Variants in CHKA observed in about 807,000 individuals in gnomAD.
CHKA encodes choline kinase alpha, also known as CHETK-alpha.
In CHKA, 34 loss-of-function variants were observed where a neutral mutation model predicts 60.1. The observed-to-expected ratio is 0.57, with a 90% CI of 0.43 to 0.75. The LOEUF is 0.75. CHKA is among the 30% of genes least tolerant of loss of function. CHKA has a pLI of 0.00. For synonymous variants in CHKA, 217 were observed against 223.1 expected (o/e 0.97, Z 0.24); for missense variants, 563 against 561.3 (o/e 1.00, Z -0.03).
chr11:68,101,050 C>T (rs942181606), intron 1 of CHKA, among the ~76,000 whole-genome samples: 9 of 149,266 alleles, frequency 6.0e-5, no homozygotes, highest in South Asian at 2.1e-4. Context: ...CAGGTTCACA[C>T]CATTCTCCTG....
intron 6 of CHKA, among the ~76,000 whole-genome samples, 178 bp downstream of exon 6, chr11:68,070,011 G>A (rs530009794): frequency 6.6e-6 from 1 of 152,326 alleles, no homozygotes; most frequent in East Asian, 1.9e-4. Flanking sequence ...AGTCCATAGA[G>A]TCCATAATCT....
chr11:68,101,333 G>C (rs1857714616), intron 1 of CHKA, among the ~76,000 whole-genome samples: 1 of 152,062 alleles, frequency 6.6e-6, no homozygotes, highest in South Asian at 2.1e-4. Context: ...CAAGGCAAGA[G>C]AAAGAAATAA....
intron 1 of CHKA, among the ~76,000 whole-genome samples, chr11:68,114,269 A>C (rs1349758137): frequency 6.6e-6 from 1 of 152,264 alleles, no homozygotes; most frequent in Non-Finnish European, 1.5e-5. Flanking sequence ...GTTTAGAGCA[A>C]CTTTATTCAT....
chr11:68,085,636 T>C (rs1418156819), intron 2 of CHKA, among the ~76,000 whole-genome samples: 1 of 152,208 alleles, frequency 6.6e-6, no homozygotes, highest in Non-Finnish European at 1.5e-5. Flanking sequence ...TCATTTTTAC[T>C]TTATTTCTAT....
At chr11:68,115,501 T>C (rs1185724972) in intron 1 of CHKA, among the ~76,000 whole-genome samples, 1 of 152,146 alleles carries the variant, frequency 6.6e-6, no homozygotes, top group Non-Finnish European at 1.5e-5. Context: ...CAGGGGGTTA[T>C]ATGGGAACTC....
intron 7 of CHKA, among the ~76,000 whole-genome samples, chr11:68,066,803 T>C (rs1010837435): frequency 1.3e-5 from 2 of 152,218 alleles, no homozygotes; most frequent in African/African-American, 4.8e-5. Flanking sequence ...CCTCTTGCTC[T>C]GCTGTCAGGA....
In CHKA at chr11:68,120,856, C is replaced by T. The variant is rs769956867; in HGVS notation, c.322G>A (p.Glu108Lys). Residue 108 changes from glutamate to lysine, a missense_variant, in exon 1 of 12, where the codon GAG (glutamate) becomes AAG (lysine). Glu to Lys is a moderately conservative substitution (Grantham distance 56). Transcript: ENST00000265689. ...FLPGAWRGLR[E>K]DEFHISVIRG... ...ATGACACTGATGTGGAACTCGTCCT[C>T]GCGGAGGCCCCGCCAGGCGCCGGGC... is the stretch of plus-strand genomic sequence containing the variant. 7.4e-7 allele frequency: 1 copy of T among 1,345,660 alleles called. No homozygotes were observed. Among genetic ancestry groups the T allele is most frequent in the Non-Finnish European group, 9.7e-7 (1 of 1,033,318 alleles). The allele number at this position is 1,345,660 out of a possible 1,614,324, so 83.4% of individuals were successfully genotyped here. A position where few individuals can be genotyped will look rare whatever the true frequency, so the allele number is the denominator to read the frequency against.
In CHKA at chr11:68,121,357, G is replaced by A. The variant is rs920105048; in HGVS notation, c.-180C>T. The A allele has an allele frequency of 5.8e-4, 104 of 177,858 alleles. No homozygotes were observed. Among genetic ancestry groups the A allele is most frequent in the African/African-American group, 2.7e-3 (99 of 36,216 alleles). 11.0% of individuals were successfully genotyped at this position (177,858 alleles called of 1,614,324 possible). A position where few individuals can be genotyped will look rare whatever the true frequency, so the allele number is the denominator to read the frequency against. On this transcript the variant is annotated 5_prime_UTR_variant, in exon 1 of 12. Transcript: ENST00000265689. Reference sequence around the variant, plus strand: ...GCGACTGCGGCGACTGTGGAGCGGGGATGTGCTGCTGGCCGCTGCACTCGC... The same window carrying A: ...GCGACTGCGGCGACTGTGGAGCGGGAATGTGCTGCTGGCCGCTGCACTCGC...
intron 11 of CHKA, among the ~76,000 whole-genome samples, chr11:68,060,967 G>A (rs947456629): frequency 6.6e-6 from 1 of 152,072 alleles, no homozygotes; most frequent in African/African-American, 2.4e-5. Context: ...AAGGAAGGCA[G>A]CTCACCAGAC....
At chr11:68,117,904 T>C (rs1049753174) in intron 1 of CHKA, among the ~76,000 whole-genome samples, 5 of 152,128 alleles carry the variant, frequency 3.3e-5, no homozygotes, top group African/African-American at 1.2e-4. Context: ...GATACAAAAG[T>C]AGCTCATCAG....
intron 2 of CHKA, among the ~76,000 whole-genome samples, chr11:68,094,617 C>T (rs3935460): frequency 0.57 from 86,584 of 152,086 alleles, 24,764 homozygotes; most frequent in Middle Eastern, 0.7. Flanking sequence ...AAACTGCAAC[C>T]TGATTAAATT....
intron 1 of CHKA, among the ~76,000 whole-genome samples, chr11:68,107,704 T>C (rs61890475): frequency 0.12 from 18,657 of 152,102 alleles, 1,371 homozygotes; most frequent in Non-Finnish European, 0.17. Flanking sequence ...GTTTCTAAAA[T>C]ACAAATTTCA....
chr11:68,063,430 C>T (rs1034259284), intron 10 of CHKA, among the ~76,000 whole-genome samples: 1 of 151,488 alleles, frequency 6.6e-6, no homozygotes, highest in Non-Finnish European at 1.5e-5. Context: ...GAGTTAGAGG[C>T]TGCAGTGAGC....
At chr11:68,059,453 G>C (rs552462127) in intron 11 of CHKA, among the ~76,000 whole-genome samples, 1 of 152,082 alleles carries the variant, frequency 6.6e-6, no homozygotes, top group Admixed American at 6.6e-5. Context: ...ACATATGTTA[G>C]TGGATTTAAT....
rs1856785094 is a variant in CHKA, at chr11:68,076,279, G to C, written c.517-1449C>G. On this transcript the variant is annotated intron_variant, in intron 3 of 11. Transcript: ENST00000265689. ...CTATCTATCAAGCTAATGAATTTTA[G>C]GGTGGGATTTGATATCAGACAGGTT... Among the ~76,000 whole-genome samples the C allele has an allele frequency of 3.3e-5, 5 of 152,126 alleles. No homozygotes were observed. The South Asian group carries it at 1.0e-3, about 32-fold the overall frequency.
intron 5 of CHKA, 123 bp downstream of exon 5, chr11:68,070,601 C>A: frequency 9.8e-7 from 1 of 1,017,706 alleles, no homozygotes; most frequent in Non-Finnish European, 1.5e-6. Context: ...CACCAGCTGA[C>A]ACCCTGCACT....
rs1392241093 is a variant in CHKA at position 68,064,573 on chromosome 11, G to A, written c.1184C>T (p.Thr395Ile). The change falls in exon 10 of 12, where the codon ACT becomes ATT. Residue 395 changes from threonine to isoleucine, a missense_variant. By Grantham distance (89) the Thr-to-Ile change is moderately conservative. Coordinates refer to ENST00000265689, the MANE Select transcript of CHKA (RefSeq NM_001277.3). Reference protein sequence around the residue: ...AFQNDFENLSTEEKSIIKEEM... With the variant: ...AFQNDFENLSIEEKSIIKEEM... ...TTCTTTTATAATGGATTTTTCTTCA[G>A]TACTGAGGTTTTCAAAGTCATTTTG... 1 of 1,594,476 alleles carries A rather than the reference G, an allele frequency of 6.3e-7. No homozygotes were observed. The highest frequency in any genetic ancestry group is 1.4e-5 in the African/African-American group (1 of 73,966).
chr11:68,072,239 C>G (rs1419697317), intron 4 of CHKA, among the ~76,000 whole-genome samples: 2 of 152,122 alleles, frequency 1.3e-5, no homozygotes, highest in Non-Finnish European at 2.9e-5. Context: ...ATCACCTGAT[C>G]CCAAGCAGTG....
In CHKA at chr11:68,069,685, A is replaced by T. The variant is rs946081663; in HGVS notation, c.869+504T>A. On this transcript the variant is annotated intron_variant, in intron 6 of 11. Coordinates refer to ENST00000265689, the MANE Select transcript of CHKA (RefSeq NM_001277.3). Reference sequence around the variant, plus strand: ...GCAACAAAGCGAGACTCCGTCTTATAAAAAAAAAAAAAAAAGGTGTAAATA... The same window carrying T: ...GCAACAAAGCGAGACTCCGTCTTATTAAAAAAAAAAAAAAAGGTGTAAATA... Among the ~76,000 whole-genome samples the T allele has an allele frequency of 1.9e-4, 27 of 138,464 alleles. No individual in the cohort carries two copies. The East Asian group carries it at 2.5e-3, about 13-fold the overall frequency. 90.8% of individuals were successfully genotyped at this position (138,464 alleles called of 152,430 possible).
Sources: allele counts gnomAD v4.1 joint callset (sites outside exome capture counted in the v4.1 genomes callset), GRCh38; gene constraint gnomAD v4.1.1; transcripts MANE v1.5; gene names NCBI Gene and HGNC (gene_info 2026-07-23, HGNC 2026-07-21).